Variants in MLLT3 observed in about 807,000 individuals in gnomAD.
The protein encoded by MLLT3 is MLLT3 super elongation complex subunit, also known as protein AF-9.
A neutral mutation model predicts 53.2 loss-of-function variants in MLLT3; 4 were observed. That is an observed-to-expected ratio of 0.08 (90% CI 0.04 to 0.17). MLLT3 has a LOEUF of 0.17. Among genes scored for constraint, MLLT3 ranks in the 10% least tolerant of loss-of-function variants. MLLT3 has a pLI of 1.00. For missense variants in MLLT3, 569 were observed against 684.0 expected, an observed-to-expected ratio of 0.83 and a Z score of 1.87; for synonymous variants, 283 against 230.6, an observed-to-expected ratio of 1.23 and a Z score of -2.06.
intron 2 of MLLT3, among the ~76,000 whole-genome samples, chr9:20,521,091 GGA>G (rs1340946297): frequency 6.7e-6 from 1 of 148,980 alleles, no homozygotes; most frequent in Non-Finnish European, 1.5e-5. Context: ...TTTTTTTAAA[GGA>G]GAGAGTCTTG....
intron 4 of MLLT3, among the ~76,000 whole-genome samples, chr9:20,422,392 A>G (rs549437951): frequency 1.3e-5 from 2 of 152,350 alleles, no homozygotes; most frequent in South Asian, 4.1e-4. Context: ...AGACCTGACC[A>G]GGGAAGAGCA....
intron 5 of MLLT3, among the ~76,000 whole-genome samples, chr9:20,382,645 C>A (rs1033761457): frequency 1.3e-5 from 2 of 151,876 alleles, no homozygotes; most frequent in African/African-American, 4.8e-5. Context: ...TAGAAACTAG[C>A]TTCTCCCATC....
At chr9:20,514,638 G>T (rs1817857952) in intron 2 of MLLT3, among the ~76,000 whole-genome samples, 1 of 151,898 alleles carries the variant, frequency 6.6e-6, no homozygotes, top group Admixed American at 6.5e-5. Flanking sequence ...CCTTGATCTA[G>T]CTGCCAGCCT....
chr9:20,464,624 A>C (rs1418562822), intron 2 of MLLT3, among the ~76,000 whole-genome samples: 1 of 152,148 alleles, frequency 6.6e-6, no homozygotes, highest in African/African-American at 2.4e-5. Flanking sequence ...GTCCCTCTTT[A>C]AGGAAGTGGC....
At chr9:20,539,453 T>G (rs955008170) in intron 2 of MLLT3, among the ~76,000 whole-genome samples, 1 of 152,128 alleles carries the variant, frequency 6.6e-6, no homozygotes, top group Non-Finnish European at 1.5e-5. Context: ...AGGAGAGGCC[T>G]CAGGAAACTT....
chr9:20,417,156 C>T (rs796429443), intron 4 of MLLT3, among the ~76,000 whole-genome samples: 12 of 146,428 alleles, frequency 8.2e-5, no homozygotes, highest in African/African-American at 3.0e-4. Context: ...TAAAAGCTTT[C>T]ACTGATTTTC....
chr9:20,422,817 C>A (rs1823045563), intron 4 of MLLT3, among the ~76,000 whole-genome samples: 2 of 152,108 alleles, frequency 1.3e-5, no homozygotes, highest in Non-Finnish European at 1.5e-5. Context: ...GGAAGGTCAT[C>A]TGGTAGCAAT....
chr9:20,584,802 A>C (rs1819907324), intron 2 of MLLT3, among the ~76,000 whole-genome samples: 1 of 152,224 alleles, frequency 6.6e-6, no homozygotes, highest in Admixed American at 6.5e-5. Context: ...GCCAAACTGC[A>C]TCAGCATTTA....
Position 20,367,683 on chromosome 9 carries a change from T to C in MLLT3, c.1126-1939A>G, listed in dbSNP as rs145638252. Among the ~76,000 whole-genome samples, 1,086 of 152,360 alleles carry C rather than the reference T, an allele frequency of 7.1e-3. 14 individuals are homozygous for C. The highest frequency in any genetic ancestry group is 0.025 in the African/African-American group (1,037 of 41,590). On this transcript the variant is annotated intron_variant, in intron 5 of 10. Transcript: ENST00000380338. ...AAATTTATTTCCATCCTATTTTTAA[T>C]ATGCTCATAGTCTTAACTATATATT...
Position 20,413,941 on chromosome 9 carries a change from C to G in MLLT3, c.905G>C (p.Ser302Thr). 6.2e-7 allele frequency: 1 copy of G among 1,613,726 alleles called. No individual in the cohort carries two copies. The highest frequency in any genetic ancestry group is 8.5e-7 in the Non-Finnish European group (1 of 1,179,962). The change falls in exon 5 of 11, where the codon AGC becomes ACC. Residue 302 changes from serine (S) to threonine (T), a missense_variant. By Grantham distance (58) the Ser-to-Thr change is moderately conservative. Transcript: ENST00000380338. ...ELSAKKRKKS[S>T]SEALFKSFSS... ...AAAACTTTTAAATAAAGCCTCTGAG[C>G]TACTCTTTTTCCTTTTTTTGGCTGA... is the stretch of plus-strand genomic sequence containing the variant.
At chr9:20,384,583 A>C (rs1202290769) in intron 5 of MLLT3, among the ~76,000 whole-genome samples, 2 of 152,026 alleles carry the variant, frequency 1.3e-5, no homozygotes, top group Non-Finnish European at 2.9e-5. Flanking sequence ...AATTTAATAT[A>C]ATCTAACACA....
chr9:20,481,684 T>A (rs1824666634), intron 2 of MLLT3, among the ~76,000 whole-genome samples: 1 of 152,130 alleles, frequency 6.6e-6, no homozygotes, highest in African/African-American at 2.4e-5. Context: ...ACCATGCAGA[T>A]CCTTCAATCA....
chr9:20,367,191 C>T (rs116214089), intron 5 of MLLT3, among the ~76,000 whole-genome samples: 1 of 151,830 alleles, frequency 6.6e-6, no homozygotes. Flanking sequence ...TCTATGAATT[C>T]TCCTTATCCT....
At chr9:20,565,942 A>T (rs12348104) in intron 2 of MLLT3, among the ~76,000 whole-genome samples, 2,400 of 11,736 alleles carry the variant, frequency 0.2, 162 homozygotes, top group African/African-American at 0.37. Context: ...ATATATTTAT[A>T]TATATATATA....
chr9:20,595,358 A>T (rs1459657358), intron 2 of MLLT3, among the ~76,000 whole-genome samples: 2 of 152,132 alleles, frequency 1.3e-5, no homozygotes, highest in African/African-American at 4.8e-5. Flanking sequence ...GTGACAGAGC[A>T]AGACCCTATC....
chr9:20,599,195 T>G (rs1820352632), intron 2 of MLLT3, among the ~76,000 whole-genome samples: 1 of 151,216 alleles, frequency 6.6e-6, no homozygotes, highest in African/African-American at 2.4e-5. Flanking sequence ...TCCCAGCTAC[T>G]CAGGAAGCTG....
At chr9:20,446,982 C>T (rs976380602) in intron 4 of MLLT3, among the ~76,000 whole-genome samples, 2 of 152,134 alleles carry the variant, frequency 1.3e-5, no homozygotes, top group African/African-American at 2.4e-5. Flanking sequence ...GGTAAAAGTA[C>T]TTGCAATGCT....
intron 2 of MLLT3, among the ~76,000 whole-genome samples, chr9:20,565,943 TATATATATATTTA>T (rs1563820434): frequency 7.4e-5 from 9 of 120,848 alleles, no homozygotes; most frequent in Non-Finnish European, 1.2e-4. Flanking sequence ...TATATTTATA[TATATATATATTTA>T]TATATATATA....
At chr9:20,384,134 T>C (rs1297270901) in intron 5 of MLLT3, among the ~76,000 whole-genome samples, 2 of 152,072 alleles carry the variant, frequency 1.3e-5, no homozygotes, top group African/African-American at 4.8e-5. Context: ...CTCAATTTTG[T>C]AGACTTATAT....
Sources: allele counts gnomAD v4.1 joint callset (sites outside exome capture counted in the v4.1 genomes callset), GRCh38; gene constraint gnomAD v4.1.1; transcripts MANE v1.5; gene names NCBI Gene and HGNC (gene_info 2026-07-23, HGNC 2026-07-21).